ZFHX3: variants seen among roughly 807,000 people sequenced by gnomAD.
ZFHX3 encodes zinc finger homeobox 3.
In ZFHX3, 42 loss-of-function variants were observed where a neutral mutation model predicts 279.1. The observed-to-expected ratio is 0.15, with a 90% CI of 0.12 to 0.19. ZFHX3 has a LOEUF of 0.19. ZFHX3 is among the 10% of genes least tolerant of loss of function. The probability of loss-of-function intolerance (pLI) is 1.00; values close to 1 mark genes in which losing one functional copy is unlikely to be tolerated. For missense variants in ZFHX3, 4,981 were observed against 4,754.0 expected (o/e 1.05, Z -1.40); for synonymous variants, 2,293 against 1,957.8 (o/e 1.17, Z -4.52).
chr16:73,282,273 T>C (rs1382231947), intron 4 of ZFHX3, among the ~76,000 whole-genome samples: 1 of 152,348 alleles, frequency 6.6e-6, no homozygotes, highest in East Asian at 1.9e-4. Flanking sequence ...AGGATGGTGA[T>C]CCTTTGCTGG....
intron 3 of ZFHX3, among the ~76,000 whole-genome samples, chr16:73,424,767 A>AT (rs1316139056): frequency 6.6e-6 from 1 of 151,516 alleles, no homozygotes; most frequent in Non-Finnish European, 1.5e-5. Context: ...AAAAAAAAAA[A>AT]AAAAAAAAAA....
intron 4 of ZFHX3, among the ~76,000 whole-genome samples, chr16:73,277,996 C>T (rs768006804): frequency 6.6e-6 from 1 of 152,100 alleles, no homozygotes; most frequent in South Asian, 2.1e-4. Flanking sequence ...GGAATATCTG[C>T]CCTCATGATC....
At chr16:72,867,737 G>A (rs372898687) in intron 4 of ZFHX3, among the ~76,000 whole-genome samples, 1 of 120,066 alleles carries the variant, frequency 8.3e-6, no homozygotes. Context: ...AAAAAAAAAA[G>A]AAGAAGAAGA....
chr16:73,498,366 G>A (rs2019177373), intron 2 of ZFHX3, among the ~76,000 whole-genome samples: 2 of 152,174 alleles, frequency 1.3e-5, no homozygotes, highest in South Asian at 4.1e-4. Context: ...GATGTCAGTT[G>A]GTTCCGTGAG....
At chr16:73,875,806 T>C (rs2029929017) in intron 1 of ZFHX3, among the ~76,000 whole-genome samples, 2 of 152,204 alleles carry the variant, frequency 1.3e-5, no homozygotes, top group Admixed American at 1.3e-4. Flanking sequence ...CGCATGTATA[T>C]TTCTGGCACA....
intron 1 of ZFHX3, chr16:73,015,657 C>T (rs888926813): frequency 6.6e-6 from 1 of 152,214 alleles, no homozygotes; most frequent in Admixed American, 6.5e-5. Flanking sequence ...CCTGAAGCCT[C>T]GCTGTGATGC....
At chr16:73,790,913 C>T (rs1321030388) in intron 1 of ZFHX3, among the ~76,000 whole-genome samples, 1 of 152,200 alleles carries the variant, frequency 6.6e-6, no homozygotes, top group Non-Finnish European at 1.5e-5. Flanking sequence ...TTCCTGAGGT[C>T]ACCAGTTTCA....
chr16:73,130,079 T>C (rs1458943282), intron 7 of ZFHX3, among the ~76,000 whole-genome samples: 1 of 152,200 alleles, frequency 6.6e-6, no homozygotes, highest in Non-Finnish European at 1.5e-5. Flanking sequence ...AATACTTAAA[T>C]CATTTCTAAT....
intron 3 of ZFHX3, among the ~76,000 whole-genome samples, chr16:73,343,519 G>T (rs1395700457): frequency 6.6e-6 from 1 of 152,178 alleles, no homozygotes; most frequent in East Asian, 1.9e-4. Context: ...GATCCCAGGA[G>T]TTTGAGACCA....
At chr16:72,876,774 C>A (rs562564644) in intron 4 of ZFHX3, among the ~76,000 whole-genome samples, 1 of 152,130 alleles carries the variant, frequency 6.6e-6, no homozygotes, top group South Asian at 2.1e-4. Context: ...CAGAAAAAGC[C>A]GCCTGTGGCC....
chr16:73,416,736 C>CAT (rs1323360849), intron 3 of ZFHX3, among the ~76,000 whole-genome samples: 11 of 148,990 alleles, frequency 7.4e-5, no homozygotes, highest in East Asian at 3.9e-4. Flanking sequence ...TAGCCGGGTG[C>CAT]GGTGGCGGGC....
chr16:73,878,760 G>GA (rs922981555), intron 1 of ZFHX3, among the ~76,000 whole-genome samples: 10 of 149,796 alleles, frequency 6.7e-5, no homozygotes, highest in Non-Finnish European at 1.3e-4. Flanking sequence ...CTGCTCAGAA[G>GA]AAAAAAAAAT....
intron 5 of ZFHX3, among the ~76,000 whole-genome samples, chr16:73,145,772 G>T (rs901632585): frequency 6.6e-6 from 1 of 152,194 alleles, no homozygotes; most frequent in East Asian, 1.9e-4. Flanking sequence ...ACCTCGTATT[G>T]TCTGTTGAAT....
chr16:73,056,602 T>C (rs1864905419), intron 1 of ZFHX3, among the ~76,000 whole-genome samples: 1 of 152,214 alleles, frequency 6.6e-6, no homozygotes, highest in South Asian at 2.1e-4. Flanking sequence ...TGAGCTACTA[T>C]GGAGTGGACT....
At chr16:73,515,558 AAGAG>A (rs1405058944) in intron 2 of ZFHX3, among the ~76,000 whole-genome samples, 1 of 135,080 alleles carries the variant, frequency 7.4e-6, no homozygotes, top group South Asian at 2.1e-4. Context: ...GAGGGAGAGA[AAGAG>A]AGAGAAAGAA....
chr16:73,801,197 CT>C (rs1960136359), intron 1 of ZFHX3, among the ~76,000 whole-genome samples: 1 of 152,084 alleles, frequency 6.6e-6, no homozygotes, highest in African/African-American at 2.4e-5. Flanking sequence ...CATCGGCTGC[CT>C]TTTTTATCCC....
At chr16:73,573,269 G>T (rs749496625) in intron 2 of ZFHX3, among the ~76,000 whole-genome samples, 2 of 152,040 alleles carry the variant, frequency 1.3e-5, no homozygotes, top group Non-Finnish European at 2.9e-5. Context: ...ACCCTCCCCA[G>T]TGTGAACCTC....
chr16:72,997,488 C>T (rs1038671893), intron 1 of ZFHX3, among the ~76,000 whole-genome samples: 4 of 152,210 alleles, frequency 2.6e-5, no homozygotes. Flanking sequence ...GCGACTCAGT[C>T]TTCTCGCTAC....
At chr16:73,780,464 A>T (rs1959429879) in intron 1 of ZFHX3, among the ~76,000 whole-genome samples, 2 of 145,738 alleles carry the variant, frequency 1.4e-5, no homozygotes, top group South Asian at 4.3e-4. Context: ...TTTTTTTAAG[A>T]CAGAGTCTCA....
Sources: gnomAD v4.1 joint callset for allele counts (sites outside exome capture counted in the v4.1 genomes callset) on GRCh38, gnomAD v4.1.1 for gene constraint, MANE v1.5 for transcripts, NCBI Gene and HGNC (gene_info 2026-07-23, HGNC 2026-07-21) for gene names.